Variants in SYT14 observed in about 807,000 individuals in gnomAD.
The protein encoded by SYT14 is synaptotagmin 14, also known as synaptotagmin-14.
Under a neutral mutation model 74.2 loss-of-function variants are expected in SYT14, and 32 were observed. The ratio of observed to expected loss-of-function variants is 0.43; its 90% CI spans 0.33 to 0.58. The LOEUF (loss-of-function observed/expected upper bound fraction) is 0.58. Ranked by LOEUF, SYT14 falls within the 20% of genes least tolerant of loss-of-function variation. The pLI is 0.05. For missense variants in SYT14, 791 were observed against 981.8 expected (o/e 0.81, Z 2.60); for synonymous variants, 298 against 337.7 (o/e 0.88, Z 1.29).
chr1:210,169,201 T>G (rs1205045568), exon 10 of SYT14: 2 of 151,092 alleles, frequency 1.3e-5, no homozygotes, highest in Non-Finnish European at 2.9e-5. Flanking sequence ...GGGGGCTTTT[T>G]TGGTTTTTAT....
chr1:210,096,411 G>T (rs2081967726), intron 6 of SYT14, among the ~76,000 whole-genome samples: 1 of 152,150 alleles, frequency 6.6e-6, no homozygotes, highest in African/African-American at 2.4e-5. Flanking sequence ...GTGTGTTTTA[G>T]TCCATTTCAC....
intron 4 of SYT14, among the ~76,000 whole-genome samples, chr1:210,019,918 A>G (rs950433280): frequency 6.6e-6 from 1 of 152,196 alleles, no homozygotes; most frequent in African/African-American, 2.4e-5. Flanking sequence ...GCTTTTTAGA[A>G]CAATAAAAAA....
intron 5 of SYT14, among the ~76,000 whole-genome samples, chr1:210,087,982 T>G (rs1446309336): frequency 6.6e-6 from 1 of 152,208 alleles, no homozygotes; most frequent in African/African-American, 2.4e-5. Flanking sequence ...GATGTCCTCT[T>G]TTTATTCCTG....
At chr1:209,962,268 T>A (rs892366432) in intron 2 of SYT14, among the ~76,000 whole-genome samples, 11 of 151,640 alleles carry the variant, frequency 7.3e-5, no homozygotes, top group Admixed American at 1.3e-4. Context: ...GATATCTTTT[T>A]TTTATATATA....
chr1:209,938,403 G>A (rs1205751372), intron 1 of SYT14, 126 bp downstream of exon 1: 9 of 907,180 alleles, frequency 9.9e-6, no homozygotes, highest in African/African-American at 3.5e-5. Context: ...GGCTGAAGAC[G>A]CGCGGGGGTC....
intron 5 of SYT14, among the ~76,000 whole-genome samples, chr1:210,083,782 T>G (rs1443294965): frequency 6.7e-6 from 1 of 149,462 alleles, no homozygotes; most frequent in Non-Finnish European, 1.5e-5. Flanking sequence ...TTGCCCAGGC[T>G]TAGTCTCGAA....
chr1:210,138,992 T>C (rs2082848995), intron 7 of SYT14, among the ~76,000 whole-genome samples: 1 of 152,134 alleles, frequency 6.6e-6, no homozygotes, highest in Non-Finnish European at 1.5e-5. Flanking sequence ...CCTGTTATAA[T>C]TTGAGCTCAG....
At chr1:210,017,991 T>A (rs1000571884) in intron 4 of SYT14, among the ~76,000 whole-genome samples, 53 of 152,242 alleles carry the variant, frequency 3.5e-4, no homozygotes, top group African/African-American at 1.3e-3. Context: ...TACGACTACA[T>A]ACATAATAGG....
At chr1:209,938,463 C>T (rs548980185) in intron 1 of SYT14, among the ~76,000 whole-genome samples, 186 bp downstream of exon 1, 1 of 151,754 alleles carries the variant, frequency 6.6e-6, no homozygotes, top group African/African-American at 2.4e-5. Context: ...GCTGGGACGC[C>T]GGGCCCGACT....
At chr1:210,063,244 C>T (rs907826286) in intron 5 of SYT14, among the ~76,000 whole-genome samples, 2 of 151,512 alleles carry the variant, frequency 1.3e-5, no homozygotes, top group African/African-American at 4.8e-5. Flanking sequence ...ATTTTTGTTG[C>T]AAGAACTGAA....
chr1:210,004,101 C>T (rs1356564398), intron 2 of SYT14, among the ~76,000 whole-genome samples: 2 of 151,862 alleles, frequency 1.3e-5, no homozygotes, highest in African/African-American at 2.4e-5. Context: ...CTGTTTGACT[C>T]GTATTATATT....
chr1:210,107,186 G>T (rs1022517375), intron 7 of SYT14, among the ~76,000 whole-genome samples: 5 of 152,224 alleles, frequency 3.3e-5, no homozygotes, highest in Non-Finnish European at 7.3e-5. Flanking sequence ...CCCTGAAAGG[G>T]TGACCTTGGG....
chr1:210,004,958 C>T (rs1388328057), intron 2 of SYT14, among the ~76,000 whole-genome samples: 1 of 151,878 alleles, frequency 6.6e-6, no homozygotes, highest in African/African-American at 2.4e-5. Context: ...TAGAACATTC[C>T]AGTTGCTATA....
intron 5 of SYT14, among the ~76,000 whole-genome samples, chr1:210,024,835 T>TAAA (rs2080376645): frequency 6.6e-6 from 1 of 151,916 alleles, no homozygotes; most frequent in Non-Finnish European, 1.5e-5. Context: ...AAATGTTATA[T>TAAA]TTTATCAGCC....
intron 5 of SYT14, among the ~76,000 whole-genome samples, chr1:210,044,421 T>A (rs2080848868): frequency 6.6e-6 from 1 of 152,242 alleles, no homozygotes; most frequent in Admixed American, 6.5e-5. Flanking sequence ...TTCAACTTTT[T>A]ACTCCATTTT....
At chr1:210,145,157 C>G (rs549879696) in intron 7 of SYT14, among the ~76,000 whole-genome samples, 6 of 152,240 alleles carry the variant, frequency 3.9e-5, no homozygotes, top group African/African-American at 1.4e-4. Context: ...TATAATAAAA[C>G]ATTTTTAAGT....
intron 7 of SYT14, among the ~76,000 whole-genome samples, chr1:210,133,824 G>C (rs1226900178): frequency 6.8e-6 from 1 of 146,154 alleles, no homozygotes; most frequent in Non-Finnish European, 1.5e-5. Context: ...AGTCACAGCT[G>C]ATTATCTTAT....
At chr1:209,988,013 A>G (rs951905347) in intron 2 of SYT14, among the ~76,000 whole-genome samples, 10 of 152,248 alleles carry the variant, frequency 6.6e-5, no homozygotes, top group Admixed American at 2.0e-4. Context: ...ATTTGGAACA[A>G]TTTTGACCAT....
At chr1:210,126,488 A>G (rs911305743) in intron 7 of SYT14, among the ~76,000 whole-genome samples, 1 of 152,146 alleles carries the variant, frequency 6.6e-6, no homozygotes. Flanking sequence ...TCTTTGTAAC[A>G]CTAAATTTGA....
Sources: gnomAD v4.1 joint callset for allele counts (sites outside exome capture counted in the v4.1 genomes callset) on GRCh38, gnomAD v4.1.1 for gene constraint, MANE v1.5 for transcripts, NCBI Gene and HGNC (gene_info 2026-07-23, HGNC 2026-07-21) for gene names.